IPCEF1: variants seen among roughly 807,000 people sequenced by gnomAD.
IPCEF1 encodes the protein interactor protein for cytohesin exchange factors 1.
A neutral mutation model predicts 50.9 loss-of-function variants in IPCEF1; 31 were observed. The ratio of observed to expected loss-of-function variants is 0.61; its 90% CI spans 0.46 to 0.82. IPCEF1 has a LOEUF of 0.82. Among genes scored for constraint, IPCEF1 ranks in the 40% least tolerant of loss-of-function variants. The pLI is 0.00. For synonymous variants in IPCEF1, 181 were observed against 192.0 expected (o/e 0.94, Z 0.47); for missense variants, 458 against 514.0 (o/e 0.89, Z 1.05).
intron 3 of IPCEF1, among the ~76,000 whole-genome samples, chr6:154,265,028 A>G (rs146553070): frequency 5.3e-5 from 8 of 152,236 alleles, no homozygotes; most frequent in Admixed American, 2.0e-4. Context: ...CTGCTCCTCA[A>G]ACTCTGACCT....
intron 1 of IPCEF1, among the ~76,000 whole-genome samples, chr6:154,354,638 C>T (rs1446820668): frequency 1.3e-5 from 2 of 151,990 alleles, no homozygotes; most frequent in African/African-American, 4.8e-5. Context: ...TCCAACACCA[C>T]CCCCTTTATC....
intron 5 of IPCEF1, among the ~76,000 whole-genome samples, chr6:154,241,369 C>A (rs1780578758): frequency 6.7e-6 from 1 of 149,658 alleles, no homozygotes; most frequent in Non-Finnish European, 1.5e-5. Context: ...TAAATGAAAA[C>A]TAAAAAACAC....
intron 2 of IPCEF1, among the ~76,000 whole-genome samples, chr6:154,288,222 T>C (rs1489132230): frequency 6.6e-6 from 1 of 152,176 alleles, no homozygotes. Context: ...TAATTGGAAA[T>C]GGTAGAAACT....
intron 1 of IPCEF1, among the ~76,000 whole-genome samples, chr6:154,349,186 A>ATTATTG (rs1367345187): frequency 2.9e-5 from 4 of 139,950 alleles, no homozygotes; most frequent in African/African-American, 1.1e-4. Flanking sequence ...ATTTTATCTT[A>ATTATTG]TTATTATTAT....
At chr6:154,218,282 C>T (rs984195737) in intron 7 of IPCEF1, among the ~76,000 whole-genome samples, 1 of 152,178 alleles carries the variant, frequency 6.6e-6, no homozygotes, top group Non-Finnish European at 1.5e-5. Flanking sequence ...GAGCATTCTT[C>T]CCACAGTGTC....
chr6:154,324,578 CG>C (rs1783472864), intron 1 of IPCEF1, among the ~76,000 whole-genome samples: 1 of 151,842 alleles, frequency 6.6e-6, no homozygotes, highest in Admixed American at 6.6e-5. Flanking sequence ...GAGGCCAAGG[CG>C]GGCAGATCAC....
intron 2 of IPCEF1, among the ~76,000 whole-genome samples, chr6:154,282,058 AC>A (rs1782227310): frequency 2.0e-5 from 3 of 152,090 alleles, no homozygotes; most frequent in Non-Finnish European, 4.4e-5. Context: ...AATCCCAGCT[AC>A]TCGGGAGGCT....
At chr6:154,171,296 C>T (rs138613502) in intron 10 of IPCEF1, among the ~76,000 whole-genome samples, 1,743 of 152,126 alleles carry the variant, frequency 0.011, 14 homozygotes, top group Non-Finnish European at 0.018. Flanking sequence ...AAAATAAATA[C>T]TCAGTTGTCC....
At chr6:154,240,658 A>AT (rs1361378801) in intron 5 of IPCEF1, among the ~76,000 whole-genome samples, 10 of 152,228 alleles carry the variant, frequency 6.6e-5, no homozygotes, top group African/African-American at 2.4e-4. Flanking sequence ...GATCTTCACT[A>AT]TAGAGATTCT....
intron 1 of IPCEF1, among the ~76,000 whole-genome samples, chr6:154,297,943 G>A (rs1301279471): frequency 6.6e-6 from 1 of 152,216 alleles, no homozygotes; most frequent in African/African-American, 2.4e-5. Flanking sequence ...GCTCTGAAGA[G>A]CATTCTTTTC....
intron 2 of IPCEF1, among the ~76,000 whole-genome samples, chr6:154,268,666 T>C (rs1347260516): frequency 2.0e-5 from 3 of 152,148 alleles, no homozygotes; most frequent in Admixed American, 6.5e-5. Flanking sequence ...TTCCTACAAG[T>C]GAGGCTTTGC....
intron 1 of IPCEF1, among the ~76,000 whole-genome samples, chr6:154,310,125 T>C (rs1783044078): frequency 6.6e-6 from 1 of 152,322 alleles, no homozygotes; most frequent in Non-Finnish European, 1.5e-5. Context: ...CTGTTCCTAC[T>C]GCTCCAATTC....
intron 10 of IPCEF1, among the ~76,000 whole-genome samples, chr6:154,185,391 A>G (rs1262477194): frequency 6.6e-6 from 1 of 152,254 alleles, no homozygotes; most frequent in East Asian, 1.9e-4. Flanking sequence ...GGTACTTTGT[A>G]ATTTTTAATG....
chr6:154,201,660 C>T (rs1259071988), intron 9 of IPCEF1, among the ~76,000 whole-genome samples: 1 of 151,962 alleles, frequency 6.6e-6, no homozygotes, highest in Non-Finnish European at 1.5e-5. Flanking sequence ...TTTGGGAGGC[C>T]GAGGTGGGCA....
At chr6:154,163,297 C>T (rs1345385243) in intron 11 of IPCEF1, among the ~76,000 whole-genome samples, 3 of 152,204 alleles carry the variant, frequency 2.0e-5, no homozygotes, top group South Asian at 2.1e-4. Flanking sequence ...GGCACACTCC[C>T]GCCCCAAGGT....
In IPCEF1 at chr6:154,337,397, G is replaced by C. The variant is rs796912521; in HGVS notation, c.-62+19275C>G. Among the ~76,000 whole-genome samples, 9 of 152,274 alleles carry C rather than the reference G, an allele frequency of 5.9e-5. No individual in the cohort carries two copies. The South Asian group carries it at 1.9e-3, about 32-fold the overall frequency. On this transcript the variant is annotated intron_variant, in intron 1 of 11. Transcript: ENST00000367220. ...GAGAAAGAGGTACCGCCTTTCCATG[G>C]AAATGTCTGAATAATAAAAAGGTTG...
intron 5 of IPCEF1, among the ~76,000 whole-genome samples, chr6:154,239,397 T>A (rs1157713812): frequency 6.6e-6 from 1 of 152,224 alleles, no homozygotes; most frequent in African/African-American, 2.4e-5. Context: ...TAAATGTCCA[T>A]TTAAAAATTC....
chr6:154,187,227 T>A (rs1801454771), intron 10 of IPCEF1, among the ~76,000 whole-genome samples: 1 of 151,760 alleles, frequency 6.6e-6, no homozygotes, highest in South Asian at 2.1e-4. Context: ...CAATGTAAAA[T>A]CACACACCCC....
At chr6:154,350,644 T>C (rs1324487057) in intron 1 of IPCEF1, among the ~76,000 whole-genome samples, 1 of 152,244 alleles carries the variant, frequency 6.6e-6, no homozygotes, top group African/African-American at 2.4e-5. Flanking sequence ...AAGGGCTCCA[T>C]TGGTTTATAA....
Sources: gnomAD v4.1 joint callset for allele counts (sites outside exome capture counted in the v4.1 genomes callset) on GRCh38, gnomAD v4.1.1 for gene constraint, MANE v1.5 for transcripts, NCBI Gene and HGNC (gene_info 2026-07-23, HGNC 2026-07-21) for gene names.